Variants in AUTS2 observed in about 807,000 individuals in gnomAD.
AUTS2 encodes the protein activator of transcription and developmental regulator AUTS2.
Under a neutral mutation model 112.4 loss-of-function variants are expected in AUTS2, and 17 were observed. That is an observed-to-expected ratio of 0.15 (90% CI 0.10 to 0.23). The LOEUF is 0.23. Ranked by LOEUF, AUTS2 falls within the 10% of genes least tolerant of loss-of-function variation. AUTS2 has a pLI of 1.00. For synonymous variants in AUTS2, 751 were observed against 702.7 expected (o/e 1.07, Z -1.09); for missense variants, 1,510 against 1,701.6 (o/e 0.89, Z 1.98).
chr7:70,702,859 G>A (rs1224683478), intron 6 of AUTS2, among the ~76,000 whole-genome samples: 1 of 152,106 alleles, frequency 6.6e-6, no homozygotes, highest in African/African-American at 2.4e-5. Flanking sequence ...GAACACACCC[G>A]GCCTCTTCTT....
chr7:70,105,157 C>T (rs996381184), intron 2 of AUTS2, among the ~76,000 whole-genome samples: 2 of 152,114 alleles, frequency 1.3e-5, no homozygotes, highest in Non-Finnish European at 2.9e-5. Flanking sequence ...ACAGATTAGT[C>T]TTTCTCAGCT....
intron 1 of AUTS2, among the ~76,000 whole-genome samples, chr7:69,890,749 G>GGC (rs1794484456): frequency 6.6e-6 from 1 of 151,934 alleles, no homozygotes; most frequent in African/African-American, 2.4e-5. Context: ...GTGAAGGCCA[G>GGC]GCAGTGCTCC....
chr7:70,185,097 A>C (rs542838985), intron 4 of AUTS2, among the ~76,000 whole-genome samples: 2 of 152,170 alleles, frequency 1.3e-5, no homozygotes, highest in Admixed American at 6.5e-5. Flanking sequence ...ATTGCTCAGC[A>C]AAGGGTGGCA....
intron 5 of AUTS2, among the ~76,000 whole-genome samples, chr7:70,530,450 A>C (rs1800036171): frequency 6.6e-6 from 1 of 152,158 alleles, no homozygotes; most frequent in Non-Finnish European, 1.5e-5. Context: ...GTGGTTGGAC[A>C]ATCATGGTAG....
intron 4 of AUTS2, among the ~76,000 whole-genome samples, chr7:70,392,046 A>G (rs1793887765): frequency 6.6e-6 from 1 of 152,116 alleles, no homozygotes; most frequent in Non-Finnish European, 1.5e-5. Context: ...TCACTGGCCC[A>G]TGATTTGATT....
chr7:69,630,691 A>G (rs1449672279), intron 1 of AUTS2, among the ~76,000 whole-genome samples: 1 of 152,202 alleles, frequency 6.6e-6, no homozygotes, highest in Non-Finnish European at 1.5e-5. Flanking sequence ...ATTAGGATAA[A>G]AACTTTAAAG....
intron 4 of AUTS2, among the ~76,000 whole-genome samples, chr7:70,399,584 CTAA>C (rs1315224823): frequency 6.6e-6 from 1 of 152,028 alleles, no homozygotes; most frequent in Non-Finnish European, 1.5e-5. Flanking sequence ...TTGTCCACAC[CTAA>C]GTGGATAGCA....
In AUTS2 at chr7:70,746,188, T is replaced by G. The variant is rs189600019; in HGVS notation, c.743-16682T>G. Among the ~76,000 whole-genome samples the G allele has an allele frequency of 3.5e-3, 540 of 152,278 alleles. 5 individuals are homozygous for G. Among genetic ancestry groups the G allele is most frequent in the African/African-American group, 0.013 (531 of 41,566 alleles). On this transcript the variant is annotated intron_variant, in intron 6 of 18. Coordinates refer to ENST00000342771, the MANE Select transcript of AUTS2 (RefSeq NM_015570.4). ...TTGAGACAGAGTCTCACTCTGTCAC[T>G]CAGGCTGGAGTGCGGTGGCACAATC...
intron 5 of AUTS2, among the ~76,000 whole-genome samples, chr7:70,686,971 C>T (rs1321867811): frequency 6.6e-6 from 1 of 152,208 alleles, no homozygotes; most frequent in African/African-American, 2.4e-5. Context: ...GACTGACTTA[C>T]ACATTGTGTT....
intron 2 of AUTS2, among the ~76,000 whole-genome samples, chr7:69,941,961 A>C (rs543482039): frequency 1.3e-5 from 2 of 152,298 alleles, no homozygotes; most frequent in South Asian, 4.1e-4. Context: ...GACAGTGTGT[A>C]AGGTATTTAG....
intron 5 of AUTS2, among the ~76,000 whole-genome samples, chr7:70,513,147 G>A (rs973588195): frequency 1.3e-5 from 2 of 152,226 alleles, no homozygotes; most frequent in Non-Finnish European, 2.9e-5. Context: ...CACATGTTAT[G>A]TGGGGTTTTT....
intron 4 of AUTS2, among the ~76,000 whole-genome samples, chr7:70,135,319 G>A (rs1484020458): frequency 6.6e-6 from 1 of 152,056 alleles, no homozygotes; most frequent in African/African-American, 2.4e-5. Flanking sequence ...TGACAAATAA[G>A]CATTATTTGT....
intron 4 of AUTS2, among the ~76,000 whole-genome samples, chr7:70,287,849 A>G (rs1788535150): frequency 6.6e-6 from 1 of 152,148 alleles, no homozygotes; most frequent in African/African-American, 2.4e-5. Context: ...CTCACCAAAA[A>G]ATGTTATGAA....
intron 4 of AUTS2, among the ~76,000 whole-genome samples, chr7:70,137,156 T>C (rs1806609140): frequency 6.6e-6 from 1 of 152,216 alleles, no homozygotes; most frequent in Admixed American, 6.5e-5. Context: ...CCAATCCGTT[T>C]AGAAGCAGAA....
chr7:70,744,763 C>CA, intron 6 of AUTS2, among the ~76,000 whole-genome samples: 1 of 152,300 alleles, frequency 6.6e-6, no homozygotes, highest in South Asian at 2.1e-4. Context: ...ACCTGACTGA[C>CA]ACGTGAGCCC....
chr7:69,904,199 A>G (rs972889670), intron 2 of AUTS2, among the ~76,000 whole-genome samples: 16 of 152,216 alleles, frequency 1.1e-4, no homozygotes, highest in Non-Finnish European at 1.6e-4. Flanking sequence ...GGAACAGTCT[A>G]TCCCAGCCCA....
chr7:70,139,538 G>A (rs931700957), intron 4 of AUTS2, among the ~76,000 whole-genome samples: 2 of 152,110 alleles, frequency 1.3e-5, no homozygotes, highest in Non-Finnish European at 2.9e-5. Context: ...ATGCCACCAT[G>A]CCCAGCCACT....
chr7:70,343,919 G>T (rs1349370465), intron 4 of AUTS2, among the ~76,000 whole-genome samples: 1 of 152,108 alleles, frequency 6.6e-6, no homozygotes, highest in Non-Finnish European at 1.5e-5. Context: ...CCCTACCTCA[G>T]GTCCTGGAAA....
chr7:70,691,873 A>ATTT (rs1808770622), intron 5 of AUTS2, among the ~76,000 whole-genome samples: 1 of 61,564 alleles, frequency 1.6e-5, no homozygotes. Flanking sequence ...CATTGATGAC[A>ATTT]ATTTTTTTTT....
Sources: gnomAD v4.1 joint callset for allele counts (sites outside exome capture counted in the v4.1 genomes callset) on GRCh38, gnomAD v4.1.1 for gene constraint, MANE v1.5 for transcripts, NCBI Gene and HGNC (gene_info 2026-07-23, HGNC 2026-07-21) for gene names.